The following TGM6 variants were observed in gnomAD, a reference collection of about 807,000 sequenced individuals.
The protein encoded by TGM6 is protein-glutamine gamma-glutamyltransferase 6.
Under a neutral mutation model 77.5 loss-of-function variants are expected in TGM6, and 74 were observed. The observed-to-expected ratio is 0.96, with a 90% confidence interval of 0.79 to 1.16. The LOEUF (loss-of-function observed/expected upper bound fraction) is 1.16, where lower values mean the gene tolerates loss of function less well. TGM6 is among the 50% of genes most tolerant of loss of function. TGM6 has a pLI of 0.00. For missense variants in TGM6, 968 were observed against 940.2 expected (o/e 1.03, Z -0.39); for synonymous variants, 383 against 378.9 (o/e 1.01, Z -0.12).
At chr20:2,415,932 C>G (rs77312793) in intron 9 of TGM6, among the ~76,000 whole-genome samples, 1 of 152,048 alleles carries the variant, frequency 6.6e-6, no homozygotes. Flanking sequence ...GGAGCCCCAC[C>G]GATAGAACCC....
intron 2 of TGM6, 89 bp from the exon 3 acceptor site, chr20:2,395,104 GT>G (rs2084654235): frequency 6.4e-7 from 1 of 1,558,822 alleles, no homozygotes; most frequent in African/African-American, 1.3e-5. Flanking sequence ...GGGGGTGAAG[GT>G]GGGGCTTCCA....
intron 10 of TGM6, among the ~76,000 whole-genome samples, chr20:2,427,355 C>A (rs890217527): frequency 2.0e-5 from 3 of 152,058 alleles, no homozygotes; most frequent in African/African-American, 7.2e-5. Flanking sequence ...CTTTACTATC[C>A]TTTTAATGTC....
rs556958028 is a variant in TGM6, at chr20:2,403,769, G to T, written c.1282G>T (p.Ala428Ser). Residue 428 changes from alanine to serine, a missense_variant, in exon 9 of 13, where the codon GCG (alanine) becomes TCG (serine). By Grantham distance (99) the Ala-to-Ser change is moderately conservative. Coordinates refer to ENST00000202625, the MANE Select transcript of TGM6 (RefSeq NM_198994.3). ...GATTGGGAGATGCATCAGCACCAAGGCGGTGGGCAGTGACTCCCGCGTGGA... is the reference window on the plus strand; with the variant it reads ...GATTGGGAGATGCATCAGCACCAAGTCGGTGGGCAGTGACTCCCGCGTGGA... ...KKIGRCISTK[A>S]VGSDSRVDIT... 15 of 1,614,172 alleles carry T rather than the reference G, an allele frequency of 9.3e-6. No individual in the cohort carries two copies. In the East Asian group the frequency reaches 2.9e-4, roughly 31 times the overall value.
chr20:2,384,187 G>A (rs550556031), intron 1 of TGM6, among the ~76,000 whole-genome samples: 28 of 152,024 alleles, frequency 1.8e-4, no homozygotes, highest in Non-Finnish European at 3.4e-4. Flanking sequence ...CTGATGAATA[G>A]GGAGACGTTG....
At chr20:2,415,999 A>T (rs1568666375) in intron 9 of TGM6, among the ~76,000 whole-genome samples, 1 of 152,016 alleles carries the variant, frequency 6.6e-6, no homozygotes, top group Non-Finnish European at 1.5e-5. Flanking sequence ...CGTTCCCTCT[A>T]GGGGGGGCTG....
intron 1 of TGM6, among the ~76,000 whole-genome samples, chr20:2,390,062 A>G (rs1423136272): frequency 6.6e-6 from 1 of 151,876 alleles, no homozygotes; most frequent in Admixed American, 6.6e-5. Flanking sequence ...CTCTCCCCAA[A>G]CCACCTAACA....
At chr20:2,398,093 C>T in intron 5 of TGM6, 47 bp downstream of exon 5, 1 of 1,614,006 alleles carries the variant, frequency 6.2e-7, no homozygotes, top group Non-Finnish European at 8.5e-7. Flanking sequence ...CAAGGATCCC[C>T]CAGCCAACCC....
At position 2,420,912 on chromosome 20, in the gene TGM6, C is replaced by T. The variant is rs542634090; in HGVS notation, c.1678+3339C>T. Among the ~76,000 whole-genome samples, 161 of 152,164 alleles carry T rather than the reference C, an allele frequency of 1.1e-3. 1 individual carries two copies. Among genetic ancestry groups the T allele is most frequent in the Non-Finnish European group, 1.7e-3 (115 of 67,990 alleles). On this transcript the variant is annotated intron_variant, in intron 10 of 12. Transcript: ENST00000202625. ...CTACTGAAGGACTTCTTGGTTGATTCCGAGTTTTGGCAATTATGAATAAAG... is the reference window on the plus strand; with the variant it reads ...CTACTGAAGGACTTCTTGGTTGATTTCGAGTTTTGGCAATTATGAATAAAG...
chr20:2,404,269 A>G (rs557098028), intron 9 of TGM6, among the ~76,000 whole-genome samples: 2 of 152,280 alleles, frequency 1.3e-5, no homozygotes, highest in South Asian at 2.1e-4. Flanking sequence ...CGTGATACCA[A>G]TTTATGGCCA....
At chr20:2,385,206 ACCT>A (rs1237281498) in intron 1 of TGM6, among the ~76,000 whole-genome samples, 1 of 151,994 alleles carries the variant, frequency 6.6e-6, no homozygotes, top group Admixed American at 6.6e-5. Flanking sequence ...GACTCATCCC[ACCT>A]CCTCTTGCCC....
At position 2,432,730 on chromosome 20, in the gene TGM6, C is replaced by A. The variant is rs45544131; in HGVS notation, c.*87C>A. 3.4e-3 allele frequency: 5,396 copies of A among 1,587,444 alleles called. 12 individuals carry two copies. Among genetic ancestry groups the A allele is most frequent in the Non-Finnish European group, 4.4e-3 (5,068 of 1,159,078 alleles). On this transcript the variant is annotated 3_prime_UTR_variant, in exon 13 of 13. Transcript: ENST00000202625. ...TCTCTTCCACATGGGAGCCAGGAGGCCTCAGTTAATCCTGCCTCAACCTCT... is the reference window on the plus strand; with the variant it reads ...TCTCTTCCACATGGGAGCCAGGAGGACTCAGTTAATCCTGCCTCAACCTCT...
chr20:2,402,721 T>C (rs2084719881), intron 7 of TGM6, among the ~76,000 whole-genome samples: 1 of 152,210 alleles, frequency 6.6e-6, no homozygotes, highest in Non-Finnish European at 1.5e-5. Context: ...TCATGTTTCC[T>C]ACTCATATTC....
At chr20:2,430,283 C>T (rs1468391484) in intron 10 of TGM6, among the ~76,000 whole-genome samples, 163 bp from the exon 11 acceptor site, 1 of 152,108 alleles carries the variant, frequency 6.6e-6, no homozygotes, top group African/African-American at 2.4e-5. Context: ...CACTCTGGGC[C>T]TTAGGTTTCT....
intron 1 of TGM6, among the ~76,000 whole-genome samples, chr20:2,393,637 G>A (rs1374496407): frequency 1.3e-5 from 2 of 152,036 alleles, no homozygotes; most frequent in Non-Finnish European, 2.9e-5. Context: ...GGGTTCAAGC[G>A]ATTCTCCTGC....
intron 9 of TGM6, among the ~76,000 whole-genome samples, chr20:2,410,587 T>G (rs1308694490): frequency 6.6e-6 from 1 of 152,052 alleles, no homozygotes; most frequent in East Asian, 1.9e-4. Context: ...TAACCCCGAG[T>G]AACCAACACT....
intron 1 of TGM6, among the ~76,000 whole-genome samples, chr20:2,381,503 G>T (rs1227283294): frequency 2.0e-5 from 3 of 152,222 alleles, no homozygotes; most frequent in African/African-American, 7.2e-5. Context: ...TCTGTTTTCT[G>T]ATCTGTGTAA....
intron 9 of TGM6, among the ~76,000 whole-genome samples, chr20:2,414,305 T>C (rs112984281): frequency 1.1e-3 from 170 of 152,160 alleles, no homozygotes; most frequent in Non-Finnish European, 2.1e-3. Flanking sequence ...AATAAGCACA[T>C]AAAAAGATGC....
intron 7 of TGM6, among the ~76,000 whole-genome samples, chr20:2,402,227 G>A (rs766126975): frequency 3.9e-5 from 6 of 152,022 alleles, no homozygotes; most frequent in Admixed American, 3.9e-4. Context: ...AGGTGACAGA[G>A]CAAGACTCTA....
intron 9 of TGM6, among the ~76,000 whole-genome samples, chr20:2,408,094 G>A (rs2084763658): frequency 6.6e-6 from 1 of 152,136 alleles, no homozygotes; most frequent in South Asian, 2.1e-4. Flanking sequence ...AGGCATTCCA[G>A]GAAGACAGAG....
Sources: gnomAD v4.1 joint callset for allele counts (sites outside exome capture counted in the v4.1 genomes callset) on GRCh38, gnomAD v4.1.1 for gene constraint, MANE v1.5 for transcripts, NCBI Gene and HGNC (gene_info 2026-07-23, HGNC 2026-07-21) for gene names.